TANGO2: variants seen among roughly 807,000 people sequenced by gnomAD.
TANGO2 encodes the protein transport and golgi organization 2 homolog, also known as transport and Golgi organization protein 2 homolog.
A neutral mutation model predicts 39.1 loss-of-function variants in TANGO2; 26 were observed. The ratio of observed to expected loss-of-function variants is 0.67; its 90% CI spans 0.49 to 0.92. The LOEUF is 0.92. Ranked by LOEUF, TANGO2 falls within the 40% of genes least tolerant of loss-of-function variation. The pLI is 0.00. For missense variants in TANGO2, 326 were observed against 360.1 expected (o/e 0.91, Z 0.77); for synonymous variants, 131 against 144.5 (o/e 0.91, Z 0.67).
chr22:20,020,720 G>A (rs2039514037), upstream of TANGO2, among the ~76,000 whole-genome samples: 1 of 152,130 alleles, frequency 6.6e-6, no homozygotes, highest in African/African-American at 2.4e-5. Context: ...CCAGGACGCA[G>A]TCTGAGGGGG....
chr22:20,036,011 G>A (rs1281818504), intron 1 of TANGO2, among the ~76,000 whole-genome samples: 1 of 152,150 alleles, frequency 6.6e-6, no homozygotes, highest in Non-Finnish European at 1.5e-5. Flanking sequence ...TTCAGTCTAA[G>A]CTGAAAGTTT....
At chr22:20,020,909 C>CGCGCAGCCCGAAGCTTTG (rs1273007928), upstream of TANGO2, among the ~76,000 whole-genome samples, 2 of 152,138 alleles carry the variant, frequency 1.3e-5, no homozygotes, top group Non-Finnish European at 2.9e-5. Flanking sequence ...CTCAGACGCC[C>CGCGCAGCCCGAAGCTTTG]GCGCAGCCCG....
At chr22:20,055,851 AG>A in intron 5 of TANGO2, 91 bp from the exon 6 acceptor site, 25 of 1,176,222 alleles carry the variant, frequency 2.1e-5, no homozygotes, top group Non-Finnish European at 3.0e-5. Context: ...GCACATCGCT[AG>A]CCTCCAGAAA....
At chr22:20,031,964 C>T (rs1055912042) in intron 1 of TANGO2, among the ~76,000 whole-genome samples, 1 of 152,212 alleles carries the variant, frequency 6.6e-6, no homozygotes, top group African/African-American at 2.4e-5. Context: ...TGCTTCTTCA[C>T]CTCTAGCCCA....
chr22:20,036,918 G>A (rs372688633), intron 2 of TANGO2, 64 bp downstream of exon 2: 22 of 1,614,166 alleles, frequency 1.4e-5, no homozygotes, highest in East Asian at 2.2e-5. Flanking sequence ...CAGTTCTCAT[G>A]CCACCCAAGC....
Position 20,057,858 on chromosome 22 carries a change from C to T in TANGO2, c.451+1845C>T, listed in dbSNP as rs756632004. ...CCCCTCACTGTGAACATTGGCCCAG[C>T]GGCCTCTGGGGCAGTCGCTGTAACC... On this transcript the variant is annotated intron_variant, in intron 6 of 8. Coordinates refer to ENST00000327374, the MANE Select transcript of TANGO2 (RefSeq NM_152906.7). The surrounding 1 kb of genome is among the most constrained non-coding windows in gnomAD (Gnocchi z 4.1). Among the ~76,000 whole-genome samples the T allele has an allele frequency of 2.0e-4, 31 of 152,284 alleles. No homozygotes were observed. Among genetic ancestry groups the T allele is most frequent in the African/African-American group, 6.3e-4 (26 of 41,558 alleles).
intron 1 of TANGO2, among the ~76,000 whole-genome samples, chr22:20,022,264 T>A (rs1569220636): frequency 6.6e-6 from 1 of 152,184 alleles, no homozygotes; most frequent in Non-Finnish European, 1.5e-5. Flanking sequence ...CCTCTACTAC[T>A]CCTGGGCCAC....
chr22:20,042,529 C>T (rs927770339), intron 2 of TANGO2, among the ~76,000 whole-genome samples: 10 of 152,042 alleles, frequency 6.6e-5, no homozygotes, highest in African/African-American at 1.4e-4. Flanking sequence ...CCTCGGAGGC[C>T]GAGGCGGGTA....
At chr22:20,041,813 T>C (rs1025948724) in intron 2 of TANGO2, among the ~76,000 whole-genome samples, 1 of 152,152 alleles carries the variant, frequency 6.6e-6, no homozygotes, top group Non-Finnish European at 1.5e-5. Context: ...GAGCAAATGT[T>C]GTTTTATGAA....
chr22:20,024,928 C>T (rs1405477560), intron 1 of TANGO2, among the ~76,000 whole-genome samples: 1 of 152,118 alleles, frequency 6.6e-6, no homozygotes, highest in African/African-American at 2.4e-5. Context: ...TGCACCAGGG[C>T]TGATTGGGTC....
chr22:20,023,470 C>T (rs1180183641), intron 1 of TANGO2, among the ~76,000 whole-genome samples: 4 of 152,192 alleles, frequency 2.6e-5, no homozygotes, highest in African/African-American at 7.2e-5. Context: ...TTCCTTGGAA[C>T]TGGGAAGAGA....
intron 2 of TANGO2, among the ~76,000 whole-genome samples, chr22:20,039,018 G>A (rs962026751): frequency 2.0e-5 from 3 of 151,586 alleles, no homozygotes; most frequent in Non-Finnish European, 4.4e-5. Context: ...ATAGCTTACT[G>A]CAGCCTCAAA....
chr22:20,036,851 A>T lies in TANGO2; in HGVS notation c.53A>T (p.Tyr18Phe). Residue 18 changes from tyrosine to phenylalanine, a missense_variant, in exon 2 of 9, where the codon TAC becomes TTC. By Grantham distance (22) the Tyr-to-Phe change is conservative (BLOSUM62 3). Transcript: ENST00000327374. ...CCTCGCCCTGTTTCCAAAAACGCGT[A>T]CAGGTAACCCCCTCGCTCTGCATCT... ...FDPRPVSKNA[Y>F]RLILAANRDE... 1.2e-6 allele frequency: 2 copies of T among 1,614,192 alleles called. No homozygotes were observed. The highest frequency in any genetic ancestry group is 2.2e-5 in the South Asian group (2 of 91,084).
At position 20,064,777 on chromosome 22, in the gene TANGO2, TC is replaced by T. The variant is rs1329383072; in HGVS notation, c.*120del. The T allele has an allele frequency of 5.2e-6, 7 of 1,356,374 alleles. No individual in the cohort carries two copies. The Admixed American group carries it at 1.4e-4, about 27-fold the overall frequency. 84.0% of individuals were successfully genotyped at this position (1,356,374 alleles called of 1,614,324 possible). On this transcript the variant is annotated 3_prime_UTR_variant, in exon 9 of 9. Transcript: ENST00000327374. ...TGCACTGCCCGTGGCTTGGCCAGCA[TC>T]CCCCGGATCAGGGCCCTGTGGTTTG...
At chr22:20,063,483 C>A in intron 8 of TANGO2, 41 bp downstream of exon 8, 1 of 1,550,240 alleles carries the variant, frequency 6.5e-7, no homozygotes, top group Non-Finnish European at 8.8e-7. Flanking sequence ...TATCCCATGT[C>A]CCACCTCCCA....
chr22:20,033,143 G>C, intron 1 of TANGO2: 1 of 505,448 alleles, frequency 2.0e-6, no homozygotes, highest in Non-Finnish European at 4.0e-6. Flanking sequence ...TCGAGCAGGG[G>C]GCGAGGGATT....
chr22:20,036,756 G>A lies in TANGO2; in HGVS notation c.-39-4G>A, dbSNP rs762998504. ...CTCAACTCAGTGTTTTCCTTTTCCC[G>A]CAGACCTCGCGACCTGTGTCAGCAG... On this transcript the variant is annotated splice_polypyrimidine_tract_variant and splice_region_variant and intron_variant, in intron 1 of 8. Coordinates refer to ENST00000327374, the MANE Select transcript of TANGO2 (RefSeq NM_152906.7). 6.8e-6 allele frequency: 11 copies of A among 1,613,340 alleles called. No individual in the cohort carries two copies. The highest frequency in any genetic ancestry group is 1.6e-4 in the Middle Eastern group (1 of 6,080).
chr22:20,028,754 G>A (rs2041275001), intron 1 of TANGO2, among the ~76,000 whole-genome samples: 2 of 152,352 alleles, frequency 1.3e-5, no homozygotes, highest in South Asian at 4.1e-4. Context: ...ACATGCAGGA[G>A]GGTGGCCTGG....
intron 1 of TANGO2, among the ~76,000 whole-genome samples, chr22:20,027,719 T>C (rs2041050030): frequency 6.6e-6 from 1 of 152,168 alleles, no homozygotes; most frequent in South Asian, 2.1e-4. Context: ...GCAATCCTTC[T>C]GCCTCAGCCT....
Sources: allele counts gnomAD v4.1 joint callset (sites outside exome capture counted in the v4.1 genomes callset), GRCh38; gene constraint gnomAD v4.1.1; non-coding constraint Gnocchi (gnomAD v3.1); transcripts MANE v1.5; gene names NCBI Gene and HGNC (gene_info 2026-07-23, HGNC 2026-07-21).